KRT76: variants seen among roughly 807,000 people sequenced by gnomAD.
KRT76 encodes keratin, type II cytoskeletal 2 oral.
A neutral mutation model predicts 44.9 loss-of-function variants in KRT76; 47 were observed. The ratio of observed to expected loss-of-function variants is 1.05; its 90% CI spans 0.83 to 1.33. The LOEUF (loss-of-function observed/expected upper bound fraction) is 1.33. KRT76 is among the 40% of genes most tolerant of loss of function. The pLI is 0.00. For synonymous variants in KRT76, 331 were observed against 294.1 expected (o/e 1.13, Z -1.28); for missense variants, 860 against 775.8 (o/e 1.11, Z -1.29).
Position 52,772,788 on chromosome 12 carries a change from C to T in KRT76, c.967G>A (p.Glu323Lys), listed in dbSNP as rs1355101001. ...DEVSFLRTLY[E>K]MELSQMQSHA... ...CTTGCAAACCAAGGAATCACCATCT[C>T]ATAGAGGGTCCTCAGGAAGCTGACT... Residue 323 changes from glutamate to lysine, a missense_variant, in exon 4 of 9, where the codon GAG becomes AAG. Glu to Lys is a moderately conservative substitution (Grantham distance 56). Transcript: ENST00000332411. 1 of 1,606,346 alleles carries T rather than the reference C, an allele frequency of 6.2e-7. No homozygotes were observed. Among genetic ancestry groups the T allele is most frequent in the South Asian group, 1.1e-5 (1 of 90,890 alleles).
intron 6 of KRT76, 130 bp from the exon 7 acceptor site, chr12:52,771,349 GAGAAA>G: frequency 1.1e-6 from 1 of 878,186 alleles, no homozygotes; most frequent in East Asian, 2.6e-5. Flanking sequence ...AGCATGCTCA[GAGAAA>G]AGAAGTCAGT....
intron 7 of KRT76, 105 bp from the exon 8 acceptor site, chr12:52,769,688 G>A (rs1939149830): frequency 9.9e-6 from 9 of 906,708 alleles, no homozygotes; most frequent in South Asian, 8.1e-5. Flanking sequence ...GCCCCACTAG[G>A]GGTCAAGCTC....
rs560477612 is a variant in KRT76, at chr12:52,768,759, C to T, written c.1871G>A (p.Arg624His). 20 of 1,609,730 alleles carry T rather than the reference C, an allele frequency of 1.2e-5. No individual in the cohort carries two copies. The highest frequency in any genetic ancestry group is 4.5e-5 in the East Asian group (2 of 44,734). ...KSGGGGSTSI[R>H]FSQTTSSSQH... Reference sequence around the variant, plus strand: ...GCTTGAGCTCGTGGTCTGGGAGAAGCGGATACTGGTGCTGCCTCCACCACC... The same window carrying T: ...GCTTGAGCTCGTGGTCTGGGAGAAGTGGATACTGGTGCTGCCTCCACCACC... Residue 624 changes from arginine to histidine, a missense_variant, in exon 9 of 9, where the codon CGC (arginine) becomes CAC (histidine). By Grantham distance (29) the Arg-to-His change is conservative. Transcript: ENST00000332411.
chr12:52,771,149 G>T lies in KRT76; in HGVS notation c.1334C>A (p.Ala445Asp), dbSNP rs201562645. The change falls in exon 7 of 9, where the codon GCC (alanine) becomes GAC (aspartate). Residue 445 changes from alanine to aspartate, a missense_variant. Transcript: ENST00000332411. Reference protein sequence around the residue: ...RGEMALKDANAKLQDLQTALQ... With the variant: ...RGEMALKDANDKLQDLQTALQ... ...GGCAGTCTGCAAGTCTTGGAGCTTG[G>T]CATTGGCGTCCTTGAGGGCCATCTC... 6.2e-7 allele frequency: 1 copy of T among 1,614,160 alleles called. No individual in the cohort carries two copies. The highest frequency in any genetic ancestry group is 2.2e-5 in the East Asian group (1 of 44,868).
chr12:52,771,181 CT>C lies in KRT76; in HGVS notation c.1301del (p.Gln434ArgfsTer38), dbSNP rs1442436269. On this transcript the variant is annotated frameshift_variant, in exon 7 of 9. Transcript: ENST00000332411. LOFTEE classifies it high-confidence loss of function. The part of the protein sequence containing the change: ...NLQTAIAEAE[Q>X]RGEMALKDAN... ...CGTCCTTGAGGGCCATCTCTCCACG[CT>C]GCTCAGCCTCTGCAATTGCCGTCTG... is the stretch of plus-strand genomic sequence containing the variant. 1 of 1,614,220 alleles carries C rather than the reference CT, an allele frequency of 6.2e-7. No homozygotes were observed. Among genetic ancestry groups the C allele is most frequent in the Admixed American group, 1.7e-5 (1 of 60,030 alleles).
intron 6 of KRT76, 75 bp from the exon 7 acceptor site, chr12:52,771,294 C>T: frequency 7.4e-7 from 1 of 1,356,828 alleles, no homozygotes; most frequent in South Asian, 1.2e-5. Flanking sequence ...ATCTCTTCCC[C>T]CACATCCTGC....
chr12:52,773,758 G>A (rs571581013), intron 2 of KRT76, 116 bp from the exon 3 acceptor site: 9 of 712,804 alleles, frequency 1.3e-5, no homozygotes, highest in Admixed American at 4.5e-5. Context: ...TCATGGGCAC[G>A]TGCAGTTACA....
At chr12:52,770,851 G>T in intron 7 of KRT76, 148 bp downstream of exon 7, 1 of 948,880 alleles carries the variant, frequency 1.1e-6, no homozygotes, top group Non-Finnish European at 1.6e-6. Context: ...ACATAAAATA[G>T]TGGGGCTTGA....
rs1047351404 is a variant in KRT76 at position 52,771,236 on chromosome 12, A to G, written c.1264-17T>C. The G allele has an allele frequency of 1.9e-6, 3 of 1,612,624 alleles. No homozygotes were observed. The highest frequency in any genetic ancestry group is 2.7e-5 in the African/African-American group (2 of 74,884). ...GTTGGCATTCTGAGGTAGAAAATCA[A>G]TTAGCATAGTGACCCGGAAACAAAC... On this transcript the variant is annotated splice_polypyrimidine_tract_variant and intron_variant, in intron 6 of 8. Transcript: ENST00000332411.
intron 3 of KRT76, among the ~76,000 whole-genome samples, 197 bp downstream of exon 3, chr12:52,773,385 T>C (rs1939214508): frequency 1.3e-5 from 2 of 152,208 alleles, no homozygotes; most frequent in South Asian, 4.1e-4. Flanking sequence ...ACAGTAACAT[T>C]TTAACATACC....
At chr12:52,770,535 A>G (rs1939163711) in intron 7 of KRT76, among the ~76,000 whole-genome samples, 1 of 152,184 alleles carries the variant, frequency 6.6e-6, no homozygotes, top group Admixed American at 6.5e-5. Context: ...TGAGCTTTCC[A>G]GTATGGTAGC....
Position 52,771,100 on chromosome 12 carries a change from C to G in KRT76, c.1383G>C (p.Leu461=). 6.2e-7 allele frequency: 1 copy of G among 1,614,138 alleles called. No individual in the cohort carries two copies. Among genetic ancestry groups the G allele is most frequent in the South Asian group, 1.1e-5 (1 of 91,078 alleles). Reference sequence around the variant, plus strand: ...CCTGGTAGTCACGCAGGAGCCGAGCCAGGTCATCCTTAGCCTTCTGTAGGG... The same window carrying G: ...CCTGGTAGTCACGCAGGAGCCGAGCGAGGTCATCCTTAGCCTTCTGTAGGG... ...QTALQKAKDD[L]ARLLRDYQEL... The change falls in exon 7 of 9, where the codon CTG becomes CTC. Residue 461 remains leucine (L), a synonymous_variant. Transcript: ENST00000332411.
rs1939144815 is a variant in KRT76, at chr12:52,769,414, G to C, written c.1519+135C>G. ...GGGGCAGAGCATGTGGCCATGGCCTGAGATCCTAGACGCTGTCAGGTGGCC... is the reference window on the plus strand; with the variant it reads ...GGGGCAGAGCATGTGGCCATGGCCTCAGATCCTAGACGCTGTCAGGTGGCC... On this transcript the variant is annotated intron_variant, in intron 8 of 8. Transcript: ENST00000332411. 8 of 763,654 alleles carry C rather than the reference G, an allele frequency of 1.0e-5. No homozygotes were observed. In the East Asian group the frequency reaches 2.0e-4, roughly 19 times the overall value. 47.3% of individuals were successfully genotyped at this position (763,654 alleles called of 1,614,324 possible).
Position 52,772,155 on chromosome 12 carries a change from G to C in KRT76, c.1076C>G (p.Ala359Gly), listed in dbSNP as rs1408775103. ...DLGSIIAEVR[A>G]QYEEIAQRSK... ...CCTCTGGGCAATCTCCTCATACTGGGCGCGGACCTCGGCAATGATGCTGCC... is the reference window on the plus strand; with the variant it reads ...CCTCTGGGCAATCTCCTCATACTGGCCGCGGACCTCGGCAATGATGCTGCC... Residue 359 changes from alanine (A) to glycine (G), a missense_variant, in exon 5 of 9, where the codon GCC becomes GGC. Physicochemically the swap from Ala to Gly is moderately conservative, Grantham distance 60. Coordinates refer to ENST00000332411, the MANE Select transcript of KRT76 (RefSeq NM_015848.4). The C allele has an allele frequency of 6.2e-7, 1 of 1,613,744 alleles. No homozygotes were observed. Among genetic ancestry groups the C allele is most frequent in the Admixed American group, 1.7e-5 (1 of 60,014 alleles).
In KRT76 at chr12:52,777,329, C is replaced by T; in HGVS notation, c.-38G>A. On this transcript the variant is annotated 5_prime_UTR_variant, in exon 1 of 9. Coordinates refer to ENST00000332411, the MANE Select transcript of KRT76 (RefSeq NM_015848.4). ...TGGAGGCAAGCTAGTGATCACTTAG[C>T]AAGAGCTGAGAGGGATAGGGACAAG... 6.2e-7 allele frequency: 1 copy of T among 1,611,690 alleles called. No individual in the cohort carries two copies. The highest frequency in any genetic ancestry group is 1.3e-5 in the African/African-American group (1 of 75,038).
chr12:52,775,714 C>T (rs1417521898), intron 1 of KRT76, 112 bp from the exon 2 acceptor site: 7 of 791,898 alleles, frequency 8.8e-6, no homozygotes, highest in Non-Finnish European at 1.4e-5. Context: ...TCTACAATTT[C>T]CCCTGTTTTT....
rs200370189 is a variant in KRT76, at chr12:52,771,098, G to T, written c.1385C>A (p.Ala462Asp). The T allele has an allele frequency of 6.2e-7, 1 of 1,614,158 alleles. No homozygotes were observed. The part of the protein sequence containing the change: ...TALQKAKDDL[A>D]RLLRDYQELM... ...CTCCTGGTAGTCACGCAGGAGCCGAGCCAGGTCATCCTTAGCCTTCTGTAG... is the reference window on the plus strand; with the variant it reads ...CTCCTGGTAGTCACGCAGGAGCCGATCCAGGTCATCCTTAGCCTTCTGTAG... The change falls in exon 7 of 9, where the codon GCT becomes GAT. Residue 462 changes from alanine to aspartate, a missense_variant. Transcript: ENST00000332411.
At chr12:52,775,346 C>T (rs1231851455) in intron 2 of KRT76, 42 bp downstream of exon 2, 2 of 1,573,004 alleles carry the variant, frequency 1.3e-6, no homozygotes, top group Non-Finnish European at 1.7e-6. Context: ...CACCTCCCTG[C>T]TAATTCCCCA....
chr12:52,768,986 GCCA>G lies in KRT76; in HGVS notation c.1641_1643del (p.Gly548del), dbSNP rs201384439. On this transcript the variant is annotated inframe_deletion, in exon 9 of 9. Coordinates refer to ENST00000332411, the MANE Select transcript of KRT76 (RefSeq NM_015848.4). Reference sequence around the variant, plus strand: ...TGCCGCTGCCGCCACTGACTCCATAGCCACTGCTGCTGCTGCTGCTGCTGCCGC... The same window carrying G: ...TGCCGCTGCCGCCACTGACTCCATAGCTGCTGCTGCTGCTGCTGCTGCCGC... The G allele has an allele frequency of 1.0e-6, 1 of 980,780 alleles. No individual in the cohort carries two copies. The highest frequency in any genetic ancestry group is 2.6e-5 in the East Asian group (1 of 38,074). 60.8% of individuals were successfully genotyped at this position (980,780 alleles called of 1,614,324 possible). A position where few individuals can be genotyped will look rare whatever the true frequency, so the allele number is the denominator to read the frequency against.
Sources: allele counts gnomAD v4.1 joint callset (sites outside exome capture counted in the v4.1 genomes callset), GRCh38; gene constraint gnomAD v4.1.1; transcripts MANE v1.5; gene names NCBI Gene and HGNC (gene_info 2026-07-23, HGNC 2026-07-21).